The following KLF12 variants were observed in gnomAD, a reference collection of about 807,000 sequenced individuals.
KLF12 encodes Krueppel-like factor 12.
A neutral mutation model predicts 37.8 loss-of-function variants in KLF12; 9 were observed. That is an observed-to-expected ratio of 0.24 (90% CI 0.14 to 0.42). KLF12 has a LOEUF of 0.42. KLF12 is among the 10% of genes least tolerant of loss of function. The pLI, the probability that KLF12 is intolerant of heterozygous loss-of-function variation, is 1.00. For missense variants in KLF12, 411 were observed against 516.0 expected (o/e 0.80, Z 1.97); for synonymous variants, 208 against 202.1 (o/e 1.03, Z -0.25).
At position 74,115,364 on chromosome 13, in the gene KLF12, T is replaced by C. The variant is rs550778001; in HGVS notation, c.-32+18375A>G. Reference sequence around the variant, plus strand: ...AACAGAAATTATTCTCTCACAGTTGTAGAGAAGGGGAAAAGCAAGGCCATA... The same window carrying C: ...AACAGAAATTATTCTCTCACAGTTGCAGAGAAGGGGAAAAGCAAGGCCATA... On this transcript the variant is annotated intron_variant, in intron 1 of 7. Coordinates refer to ENST00000377669, the MANE Select transcript of KLF12 (RefSeq NM_007249.5). Among the ~76,000 whole-genome samples the C allele has an allele frequency of 3.7e-4, 57 of 152,204 alleles. 3 individuals are homozygous for C. In the South Asian group the frequency reaches 0.011, roughly 30 times the overall value.
intron 1 of KLF12, among the ~76,000 whole-genome samples, chr13:74,076,836 C>T (rs1292512865): frequency 6.6e-6 from 1 of 152,128 alleles, no homozygotes; most frequent in African/African-American, 2.4e-5. Flanking sequence ...CTGTTGTTCC[C>T]TTCTTTGTGT....
chr13:73,838,460 C>A (rs1884558517), intron 4 of KLF12, among the ~76,000 whole-genome samples: 1 of 152,088 alleles, frequency 6.6e-6, no homozygotes, highest in Non-Finnish European at 1.5e-5. Context: ...ATTGCACACC[C>A]AAATTGGATT....
chr13:73,787,265 T>C (rs1038331479), intron 5 of KLF12, among the ~76,000 whole-genome samples: 2 of 152,158 alleles, frequency 1.3e-5, no homozygotes, highest in African/African-American at 4.8e-5. Flanking sequence ...GAAACAACCA[T>C]GTGACAACAT....
chr13:74,266,148 T>G, the KLF12 span, among the ~76,000 whole-genome samples: 3 of 152,324 alleles, frequency 2.0e-5, no homozygotes, highest in African/African-American at 7.2e-5. Context: ...TGGCAGCCCA[T>G]TTGATCCAGC....
intron 2 of KLF12, among the ~76,000 whole-genome samples, chr13:73,947,648 CAAAAAA>C (rs11378611): frequency 1.2e-5 from 1 of 85,894 alleles, no homozygotes. Flanking sequence ...GAGACGGTCT[CAAAAAA>C]AAAAAAAAAA....
intron 1 of KLF12, among the ~76,000 whole-genome samples, chr13:74,099,413 C>G (rs1426986829): frequency 6.6e-6 from 1 of 152,098 alleles, no homozygotes; most frequent in African/African-American, 2.4e-5. Context: ...CATATGAACC[C>G]TTTACAATAT....
the KLF12 span, among the ~76,000 whole-genome samples, chr13:74,202,746 G>T: frequency 6.6e-6 from 1 of 152,126 alleles, no homozygotes; most frequent in Non-Finnish European, 1.5e-5. Flanking sequence ...GCTAGATGCT[G>T]CTGTCTCTGT....
At chr13:73,945,889 G>T (rs1890401058) in intron 2 of KLF12, among the ~76,000 whole-genome samples, 2 of 152,140 alleles carry the variant, frequency 1.3e-5, no homozygotes, top group Non-Finnish European at 2.9e-5. Flanking sequence ...TATATTACTG[G>T]TGAGCTTGGG....
intron 1 of KLF12, among the ~76,000 whole-genome samples, chr13:74,100,099 G>A (rs181425482): frequency 5.9e-5 from 9 of 152,164 alleles, no homozygotes; most frequent in Admixed American, 2.6e-4. Context: ...TGGAGACCAC[G>A]GACAGAGGGG....
At chr13:74,183,426 G>A in the KLF12 span, among the ~76,000 whole-genome samples, 8 of 151,966 alleles carry the variant, frequency 5.3e-5, no homozygotes, top group Admixed American at 5.2e-4. Flanking sequence ...CTTTCCAAAT[G>A]CTACCATCTT....
chr13:74,275,890 T>TTTCTTTC, the KLF12 span, among the ~76,000 whole-genome samples: 1 of 118,400 alleles, frequency 8.4e-6, no homozygotes, highest in Non-Finnish European at 1.7e-5. Context: ...TCTTTCTTTC[T>TTTCTTTC]TTCTTTCTTT....
intron 5 of KLF12, among the ~76,000 whole-genome samples, chr13:73,780,885 T>A (rs2138191712): frequency 6.6e-6 from 1 of 152,366 alleles, no homozygotes; most frequent in East Asian, 1.9e-4. Flanking sequence ...ACTTAGTGGA[T>A]AAAGCTGTAT....
chr13:73,908,481 T>C (rs886440525), intron 3 of KLF12, among the ~76,000 whole-genome samples: 1 of 150,122 alleles, frequency 6.7e-6, no homozygotes, highest in African/African-American at 2.5e-5. Context: ...ATTTTCTTTT[T>C]TTCTTTTGTT....
intron 5 of KLF12, chr13:73,801,999 A>G (rs898367567): frequency 6.6e-6 from 1 of 152,152 alleles, no homozygotes; most frequent in Non-Finnish European, 1.5e-5. Context: ...TAAACAATAA[A>G]TCAACACTTA....
chr13:74,071,941 T>C (rs1008750373), intron 1 of KLF12, among the ~76,000 whole-genome samples: 9 of 152,076 alleles, frequency 5.9e-5, no homozygotes, highest in Non-Finnish European at 1.3e-4. Context: ...TGTAATGTAA[T>C]GAATAGCATC....
At chr13:73,976,541 T>A (rs1358901494) in intron 2 of KLF12, among the ~76,000 whole-genome samples, 1 of 152,186 alleles carries the variant, frequency 6.6e-6, no homozygotes, top group African/African-American at 2.4e-5. Flanking sequence ...CACAACAGCC[T>A]CCCTACTCCA....
intron 2 of KLF12, among the ~76,000 whole-genome samples, chr13:73,983,092 T>C (rs1038972895): frequency 1.3e-5 from 2 of 152,170 alleles, no homozygotes; most frequent in Admixed American, 1.3e-4. Context: ...TTAATACTTA[T>C]CCAGTATGAG....
At chr13:74,272,436 C>G in the KLF12 span, among the ~76,000 whole-genome samples, 1 of 152,094 alleles carries the variant, frequency 6.6e-6, no homozygotes, top group South Asian at 2.1e-4. Flanking sequence ...ACCCGCAGTG[C>G]TACTGAGTCA....
intron 3 of KLF12, among the ~76,000 whole-genome samples, chr13:73,928,728 T>C (rs769856443): frequency 5.3e-5 from 8 of 152,208 alleles, no homozygotes; most frequent in African/African-American, 1.2e-4. Flanking sequence ...GGCATTTAAG[T>C]TGCCACTTTG....
Sources: allele counts gnomAD v4.1 joint callset (sites outside exome capture counted in the v4.1 genomes callset), GRCh38; gene constraint gnomAD v4.1.1; transcripts MANE v1.5; gene names NCBI Gene and HGNC (gene_info 2026-07-23, HGNC 2026-07-21).